Variants in CD44 observed in about 807,000 individuals in gnomAD.
The protein encoded by CD44 is CD44 antigen.
In CD44, 49 loss-of-function variants were observed where a neutral mutation model predicts 88.8. The observed-to-expected ratio is 0.55, with a 90% CI of 0.44 to 0.70. The LOEUF is 0.70. Among genes scored for constraint, CD44 ranks in the 30% least tolerant of loss-of-function variants. CD44 has a pLI of 0.00. For synonymous variants in CD44, 325 were observed against 312.3 expected (o/e 1.04, Z -0.43); for missense variants, 883 against 913.8 (o/e 0.97, Z 0.43).
At chr11:35,202,886 T>A (rs1186124835) in intron 9 of CD44, among the ~76,000 whole-genome samples, 1 of 152,212 alleles carries the variant, frequency 6.6e-6, no homozygotes, top group Non-Finnish European at 1.5e-5. Context: ...AGGATTTTGT[T>A]CCACTCCCTT....
chr11:35,181,890 A>ATAATATATATTATATATTATATAT (rs2133755744), intron 3 of CD44, among the ~76,000 whole-genome samples: 1 of 74,950 alleles, frequency 1.3e-5, no homozygotes, highest in Admixed American at 2.1e-4. Context: ...ATAATTCTAT[A>ATAATATATATTATATATTATATAT]TATAATATAA....
At chr11:35,175,864 CTT>C (rs71457374) in intron 1 of CD44, among the ~76,000 whole-genome samples, 20 of 123,136 alleles carry the variant, frequency 1.6e-4, no homozygotes, top group Admixed American at 5.0e-4. Context: ...TTTGTTTGTT[CTT>C]TTTTTTTTTT....
chr11:35,208,059 A>T (rs757277914), intron 11 of CD44, 46 bp from the exon 12 acceptor site: 2 of 1,132,316 alleles, frequency 1.8e-6, no homozygotes. Flanking sequence ...ACCTTCAGGT[A>T]GTGGTTTGGG....
intron 1 of CD44, among the ~76,000 whole-genome samples, chr11:35,153,681 T>C (rs1369542709): frequency 2.6e-5 from 4 of 152,218 alleles, no homozygotes; most frequent in Non-Finnish European, 5.9e-5. Flanking sequence ...AAACAACTAA[T>C]GATGCCTTTG....
intron 1 of CD44, among the ~76,000 whole-genome samples, chr11:35,141,738 A>C (rs912196347): frequency 6.6e-6 from 1 of 152,218 alleles, no homozygotes; most frequent in Non-Finnish European, 1.5e-5. Flanking sequence ...ATGAAGTGCC[A>C]GTAGCAATAA....
intron 1 of CD44, among the ~76,000 whole-genome samples, chr11:35,161,925 G>T (rs1458778620): frequency 1.3e-5 from 2 of 152,162 alleles, no homozygotes; most frequent in African/African-American, 2.4e-5. Context: ...TCATAAAAGA[G>T]TGAGCCTTAG....
intron 1 of CD44, among the ~76,000 whole-genome samples, chr11:35,162,429 A>G (rs1411502729): frequency 6.6e-6 from 1 of 152,198 alleles, no homozygotes; most frequent in Non-Finnish European, 1.5e-5. Context: ...TTCATTTCCA[A>G]GCCTCTGGAT....
At chr11:35,200,996 C>T (rs1947260601) in intron 7 of CD44, 86 bp from the exon 8 acceptor site, 3 of 941,302 alleles carry the variant, frequency 3.2e-6, no homozygotes, top group Non-Finnish European at 5.3e-6. Context: ...ATTGCATAGC[C>T]TACAGAAGCA....
At chr11:35,145,632 C>G (rs748497115) in intron 1 of CD44, among the ~76,000 whole-genome samples, 3 of 152,152 alleles carry the variant, frequency 2.0e-5, no homozygotes, top group Non-Finnish European at 4.4e-5. Context: ...AACAAAAACA[C>G]TCCCCAGCAG....
chr11:35,229,252 G>C lies in CD44; in HGVS notation c.2148G>C (p.Glu716Asp), dbSNP rs1473207123. 6.2e-7 allele frequency: 1 copy of C among 1,614,036 alleles called. No individual in the cohort carries two copies. The highest frequency in any genetic ancestry group is 8.5e-7 in the Non-Finnish European group (1 of 1,179,924). Residue 716 changes from glutamate (E) to aspartate (D), a missense_variant, in exon 18 of 18, where the codon GAG (glutamate) becomes GAC (aspartate). By Grantham distance (45) the Glu-to-Asp change is conservative. Transcript: ENST00000428726. The part of the protein sequence containing the change: ...SQEMVHLVNK[E>D]SSETPDQFMT... ...AAATGGTGCATTTGGTGAACAAGGA[G>C]TCGTCAGAAACTCCAGACCAGTTTA...
chr11:35,221,038 C>T (rs1446553837), intron 16 of CD44, among the ~76,000 whole-genome samples: 1 of 152,118 alleles, frequency 6.6e-6, no homozygotes, highest in Non-Finnish European at 1.5e-5. Flanking sequence ...GGATTACAGG[C>T]GTGAGCCACC....
intron 17 of CD44, among the ~76,000 whole-genome samples, chr11:35,226,220 G>A (rs1949680411): frequency 6.6e-6 from 1 of 152,170 alleles, no homozygotes; most frequent in Non-Finnish European, 1.5e-5. Context: ...TAGGTCAAAT[G>A]TTATCCACTG....
chr11:35,142,390 T>C (rs938883057), intron 1 of CD44, among the ~76,000 whole-genome samples: 1 of 151,918 alleles, frequency 6.6e-6, no homozygotes, highest in Non-Finnish European at 1.5e-5. Flanking sequence ...TAGCAAAGAC[T>C]TGGAACCAAC....
chr11:35,139,364 C>A lies in CD44; in HGVS notation c.61C>A (p.Gln21Lys), dbSNP rs866226804. The change falls in exon 1 of 18, where the codon CAG (glutamine) becomes AAG (lysine). Residue 21 changes from glutamine (Q) to lysine (K), a missense_variant. Physicochemically the swap from Gln to Lys is moderately conservative, Grantham distance 53. Around this residue, in one of 2 missense-constraint regions of CD44, gnomAD observed 252 missense variants for 322.9 expected, o/e 0.78. Transcript: ENST00000428726. ...GLCLVPLSLA[Q>K]IDLNITCRFA... The stretch of plus-strand genomic sequence containing the variant: ...CTGCCTCGTGCCGCTGAGCCTGGCG[C>A]AGATCGGTGAGTGCCCGCCGCAGCC... The A allele has an allele frequency of 6.4e-7, 1 of 1,558,642 alleles. No homozygotes were observed. The highest frequency in any genetic ancestry group is 8.7e-7 in the Non-Finnish European group (1 of 1,150,742).
chr11:35,223,297 TG>T, intron 17 of CD44: 1 of 985,284 alleles, frequency 1.0e-6, no homozygotes. Flanking sequence ...GGATTACTTT[TG>T]CTCAATTAAA....
intron 1 of CD44, among the ~76,000 whole-genome samples, chr11:35,143,285 T>C (rs1858380957): frequency 6.6e-6 from 1 of 151,648 alleles, no homozygotes; most frequent in Admixed American, 6.6e-5. Context: ...CCTGATGCTC[T>C]GCTGTGGTAC....
At chr11:35,211,993 A>G (rs143025902) in intron 14 of CD44, among the ~76,000 whole-genome samples, 1 of 152,226 alleles carries the variant, frequency 6.6e-6, no homozygotes, top group African/African-American at 2.4e-5. Flanking sequence ...TCTGATGCAC[A>G]CTTAAAATGT....
At chr11:35,183,515 A>G (rs1205653548) in intron 3 of CD44, among the ~76,000 whole-genome samples, 1 of 152,202 alleles carries the variant, frequency 6.6e-6, no homozygotes, top group Non-Finnish European at 1.5e-5. Flanking sequence ...TTAGCCTGAA[A>G]GCTGCTAGCA....
chr11:35,201,956 T>C (rs977546974), intron 9 of CD44, among the ~76,000 whole-genome samples, 169 bp downstream of exon 9: 2 of 152,168 alleles, frequency 1.3e-5, no homozygotes, highest in Non-Finnish European at 2.9e-5. Context: ...ATTTTAAAAA[T>C]TGGAAGGAAA....
Sources: allele counts gnomAD v4.1 joint callset (sites outside exome capture counted in the v4.1 genomes callset), GRCh38; gene constraint gnomAD v4.1.1; regional missense constraint gnomAD v4.1.1; transcripts MANE v1.5; gene names NCBI Gene and HGNC (gene_info 2026-07-23, HGNC 2026-07-21).